SRGAP1: variants seen among roughly 807,000 people sequenced by gnomAD.
SRGAP1 encodes SLIT-ROBO Rho GTPase-activating protein 1.
In SRGAP1, 43 loss-of-function variants were observed where a neutral mutation model predicts 121.9. The observed-to-expected ratio is 0.35, with a 90% CI of 0.28 to 0.46. SRGAP1 has a LOEUF of 0.46. Ranked by LOEUF, SRGAP1 falls within the 20% of genes least tolerant of loss-of-function variation. The pLI, the probability that SRGAP1 is intolerant of heterozygous loss-of-function variation, is 1.00. For synonymous variants in SRGAP1, 447 were observed against 485.4 expected (o/e 0.92, Z 1.04); for missense variants, 1,102 against 1,350.9 (o/e 0.82, Z 2.89).
At chr12:63,926,558 T>C (rs1344392393) in intron 1 of SRGAP1, among the ~76,000 whole-genome samples, 2 of 152,196 alleles carry the variant, frequency 1.3e-5, no homozygotes, top group African/African-American at 2.4e-5. Context: ...TTATTATTAA[T>C]ATTATTTTTG....
chr12:64,034,103 C>T (rs2034846431), intron 4 of SRGAP1, among the ~76,000 whole-genome samples: 1 of 152,158 alleles, frequency 6.6e-6, no homozygotes. Flanking sequence ...GTGTCCCCAA[C>T]CAAATCTCAT....
chr12:63,927,447 TG>T (rs2031302486), intron 1 of SRGAP1, among the ~76,000 whole-genome samples: 1 of 152,216 alleles, frequency 6.6e-6, no homozygotes, highest in Non-Finnish European at 1.5e-5. Flanking sequence ...CAGATGGAGG[TG>T]GCATCCTCAT....
Position 63,990,059 on chromosome 12 carries a change from G to A in SRGAP1, c.413G>A (p.Arg138Lys). The part of the protein sequence containing the change: ...RFMQISEDST[R>K]MFKKSKEIAF... Reference sequence around the variant, plus strand: ...ATGCAGATAAGTGAGGATTCTACCAGGATGTTTAAAAAGGTACACTCCATA... The same window carrying A: ...ATGCAGATAAGTGAGGATTCTACCAAGATGTTTAAAAAGGTACACTCCATA... The change falls in exon 3 of 22, where the codon AGG becomes AAG. Residue 138 changes from arginine to lysine, a missense_variant. Transcript: ENST00000355086. 6.2e-7 allele frequency: 1 copy of A among 1,606,872 alleles called. No homozygotes were observed. Among genetic ancestry groups the A allele is most frequent in the Non-Finnish European group, 8.5e-7 (1 of 1,177,392 alleles).
chr12:63,876,111 A>C (rs1460189829), intron 1 of SRGAP1, among the ~76,000 whole-genome samples: 1 of 152,176 alleles, frequency 6.6e-6, no homozygotes, highest in African/African-American at 2.4e-5. Flanking sequence ...TTTGTCAGAG[A>C]TCTTAGTTTT....
chr12:64,028,609 T>G (rs2034704472), intron 4 of SRGAP1, among the ~76,000 whole-genome samples: 1 of 152,242 alleles, frequency 6.6e-6, no homozygotes, highest in African/African-American at 2.4e-5. Flanking sequence ...AGCAGCAGAT[T>G]CAGTATCTGG....
chr12:63,850,373 T>A (rs1448524254), intron 1 of SRGAP1, among the ~76,000 whole-genome samples: 5 of 152,146 alleles, frequency 3.3e-5, no homozygotes, highest in Non-Finnish European at 7.4e-5. Flanking sequence ...TTGACCAGTT[T>A]AGGAGCCAGA....
Position 64,063,037 on chromosome 12 carries a change from A to G in SRGAP1, c.922A>G (p.Asn308Asp). The G allele has an allele frequency of 6.2e-7, 1 of 1,614,116 alleles. No homozygotes were observed. The highest frequency in any genetic ancestry group is 8.5e-7 in the Non-Finnish European group (1 of 1,179,998). ...AGACATTATTGAGAATGCAGTTGATAATTTAGAGCCCAGGAGCGATAAGCA... is the reference window on the plus strand; with the variant it reads ...AGACATTATTGAGAATGCAGTTGATGATTTAGAGCCCAGGAGCGATAAGCA... ...GLDIIENAVD[N>D]LEPRSDKQRF... The change falls in exon 7 of 22, where the codon AAT (asparagine) becomes GAT (aspartate). Residue 308 changes from asparagine (N) to aspartate (D), a missense_variant. Physicochemically the swap from Asn to Asp is conservative, Grantham distance 23. Coordinates refer to ENST00000355086, the MANE Select transcript of SRGAP1 (RefSeq NM_020762.4).
chr12:64,010,525 A>G (rs1565637212), intron 3 of SRGAP1, among the ~76,000 whole-genome samples: 1 of 152,020 alleles, frequency 6.6e-6, no homozygotes, highest in Non-Finnish European at 1.5e-5. Context: ...TGAGATTGCA[A>G]ACTGGAGTGC....
chr12:63,854,129 C>T (rs913333433), intron 1 of SRGAP1, among the ~76,000 whole-genome samples: 5 of 152,136 alleles, frequency 3.3e-5, no homozygotes, highest in African/African-American at 1.2e-4. Context: ...AAGAAAGAAA[C>T]ATTACCAGTG....
intron 1 of SRGAP1, among the ~76,000 whole-genome samples, chr12:63,917,843 A>G (rs1399608076): frequency 1.3e-5 from 2 of 152,174 alleles, no homozygotes; most frequent in Non-Finnish European, 2.9e-5. Flanking sequence ...TAGCTGTGAG[A>G]AGTTCATGGG....
intron 1 of SRGAP1, among the ~76,000 whole-genome samples, chr12:63,928,964 G>A (rs1173681036): frequency 1.3e-5 from 2 of 152,134 alleles, no homozygotes; most frequent in Non-Finnish European, 2.9e-5. Flanking sequence ...ATGGGAAATG[G>A]CCGTAAATAC....
At chr12:63,849,697 A>G (rs1899012665) in intron 1 of SRGAP1, among the ~76,000 whole-genome samples, 1 of 152,248 alleles carries the variant, frequency 6.6e-6, no homozygotes, top group Admixed American at 6.5e-5. Context: ...TAGAATAGGA[A>G]GTGACAGCAA....
intron 3 of SRGAP1, among the ~76,000 whole-genome samples, chr12:63,992,969 G>C (rs2033595978): frequency 1.3e-5 from 2 of 152,102 alleles, no homozygotes. Flanking sequence ...CAGGTGTGAA[G>C]TTCTGCCTTC....
At chr12:64,104,020 CA>C (rs1002288333) in intron 15 of SRGAP1, among the ~76,000 whole-genome samples, 14 of 152,208 alleles carry the variant, frequency 9.2e-5, no homozygotes, top group African/African-American at 3.1e-4. Flanking sequence ...ATGTGGCTGC[CA>C]AGGAATTTCC....
rs1341278341 is a variant in SRGAP1, at chr12:64,018,089, T to C, written c.489+1077T>C. ...TTTGGATTTTTATTGTACAAGATTA[T>C]TTTGTTTGTTGGTTTGTTTTTGAGG... On this transcript the variant is annotated intron_variant, in intron 4 of 21. Transcript: ENST00000355086. 2.6e-5 allele frequency among the ~76,000 whole-genome samples: 4 copies of C among 152,182 alleles called. No individual in the cohort carries two copies. In the South Asian group the frequency reaches 6.2e-4, roughly 24 times the overall value.
intron 1 of SRGAP1, among the ~76,000 whole-genome samples, chr12:63,900,575 GGATGAGGCGGGAGGATCA>G (rs1015734629): frequency 1.3e-5 from 2 of 152,010 alleles, no homozygotes; most frequent in Non-Finnish European, 2.9e-5. Context: ...CACTTTGGGA[GGATGAGGCGGGAGGATCA>G]GATGAGGCCA....
chr12:63,932,544 C>A (rs1254052240), intron 1 of SRGAP1, among the ~76,000 whole-genome samples: 1 of 152,114 alleles, frequency 6.6e-6, no homozygotes, highest in Admixed American at 6.6e-5. Flanking sequence ...ATTACTAATT[C>A]TTTTCATGAA....
chr12:63,985,520 G>A (rs185527922), intron 2 of SRGAP1, among the ~76,000 whole-genome samples: 66 of 152,264 alleles, frequency 4.3e-4, no homozygotes, highest in African/African-American at 1.4e-3. Context: ...TTTCATTTCT[G>A]TAAATACAGC....
chr12:64,003,857 G>C (rs76032399), intron 3 of SRGAP1, among the ~76,000 whole-genome samples: 3 of 151,934 alleles, frequency 2.0e-5, no homozygotes, highest in Admixed American at 6.6e-5. Flanking sequence ...CAAGAAGCTC[G>C]GCAAAACCAA....
Sources: gnomAD v4.1 joint callset for allele counts (sites outside exome capture counted in the v4.1 genomes callset) on GRCh38, gnomAD v4.1.1 for gene constraint, MANE v1.5 for transcripts, NCBI Gene and HGNC (gene_info 2026-07-23, HGNC 2026-07-21) for gene names.